Variants in DACH2 observed in about 807,000 individuals in gnomAD.
DACH2 encodes the protein dachshund family transcription factor 2, also known as dachshund homolog 2.
A neutral mutation model predicts 35.8 loss-of-function variants in DACH2; 17 were observed. The ratio of observed to expected loss-of-function variants is 0.48; its 90% CI spans 0.33 to 0.71. DACH2 has a LOEUF of 0.71. DACH2 is among the 30% of genes least tolerant of loss of function. The pLI, the probability that DACH2 is intolerant of heterozygous loss-of-function variation, is 0.02. For missense variants in DACH2, 469 were observed against 472.7 expected, an observed-to-expected ratio of 0.99 and a Z score of 0.07; for synonymous variants, 195 against 177.3, an observed-to-expected ratio of 1.10 and a Z score of -0.79.
At chrX:86,572,722 C>T (rs2039387144) in intron 3 of DACH2, among the ~76,000 whole-genome samples, 1 of 111,582 alleles carries the variant, frequency 9.0e-6, no homozygotes, top group Non-Finnish European at 1.9e-5. Context: ...CCTAAACCTG[C>T]CATACTGCTT....
At chrX:86,746,457 G>A (rs1602889245) in intron 7 of DACH2, among the ~76,000 whole-genome samples, 1 of 111,609 alleles carries the variant, frequency 9.0e-6, no homozygotes, top group South Asian at 3.7e-4. Flanking sequence ...TAATGTTTGC[G>A]ATGTATTATC....
intron 1 of DACH2, among the ~76,000 whole-genome samples, chrX:86,356,471 C>T (rs2035644758): frequency 9.0e-6 from 1 of 111,093 alleles, no homozygotes; most frequent in Non-Finnish European, 1.9e-5. Flanking sequence ...TAATGTGATG[C>T]CTCCAGCTTT....
At chrX:86,698,527 T>TTTTTTTTTTTTG (rs2041098450) in intron 5 of DACH2, among the ~76,000 whole-genome samples, 3 of 56,007 alleles carry the variant, frequency 5.4e-5, no homozygotes, top group Non-Finnish European at 1.0e-4. Flanking sequence ...TTGTGTTTTT[T>TTTTTTTTTTTTG]TTTTTTTTTT....
chrX:86,587,942 C>T (rs1300982183), intron 3 of DACH2, among the ~76,000 whole-genome samples: 1 of 111,415 alleles, frequency 9.0e-6, no homozygotes, highest in African/African-American at 3.3e-5. Context: ...AATTCTTTGC[C>T]AATGGTGATA....
intron 1 of DACH2, among the ~76,000 whole-genome samples, chrX:86,207,493 G>T (rs930830659): frequency 3.6e-5 from 4 of 110,564 alleles, no homozygotes; most frequent in African/African-American, 1.3e-4. Context: ...ATTACACATT[G>T]TGTGCCTGTA....
chrX:86,296,338 G>T (rs1185180141), intron 1 of DACH2, among the ~76,000 whole-genome samples: 1 of 93,568 alleles, frequency 1.1e-5, no homozygotes, highest in Non-Finnish European at 2.1e-5. Flanking sequence ...CCGAGATTGC[G>T]CCACTGCACT....
At chrX:86,179,660 G>A (rs1312453272) in intron 1 of DACH2, among the ~76,000 whole-genome samples, 2 of 111,514 alleles carry the variant, frequency 1.8e-5, no homozygotes, top group African/African-American at 6.5e-5. Context: ...TAAGGCAAAT[G>A]TTATATTTCC....
chrX:86,630,245 C>G (rs1347945210), intron 3 of DACH2, among the ~76,000 whole-genome samples: 1 of 109,605 alleles, frequency 9.1e-6, no homozygotes, highest in African/African-American at 3.3e-5. Context: ...GGTTTAAACC[C>G]CAATTTCAAG....
chrX:86,656,203 A>G (rs1003893946), intron 4 of DACH2, among the ~76,000 whole-genome samples: 3 of 111,412 alleles, frequency 2.7e-5, no homozygotes, highest in African/African-American at 9.8e-5. Flanking sequence ...AGAATTGAGG[A>G]CATGGCTTGA....
At chrX:86,533,294 A>G (rs888216969) in intron 3 of DACH2, among the ~76,000 whole-genome samples, 1 of 111,806 alleles carries the variant, frequency 8.9e-6, no homozygotes, top group Admixed American at 9.5e-5. Flanking sequence ...ATTATTTTAC[A>G]TTTATTTTTA....
intron 1 of DACH2, among the ~76,000 whole-genome samples, chrX:86,170,063 T>C (rs2031072241): frequency 8.9e-6 from 1 of 112,031 alleles, no homozygotes; most frequent in Admixed American, 9.5e-5. Flanking sequence ...CCAAGTCTAG[T>C]ACTGCTGTGG....
intron 1 of DACH2, among the ~76,000 whole-genome samples, chrX:86,206,165 G>T (rs1226445745): frequency 1.8e-5 from 2 of 110,722 alleles, no homozygotes; most frequent in Non-Finnish European, 3.8e-5. Flanking sequence ...TGTCCCTGAT[G>T]AACTACACTC....
rs143888614 is a variant in DACH2 at position 86,479,165 on chromosome X, G to T, written c.528-35114G>T. Among the ~76,000 whole-genome samples the T allele has an allele frequency of 5.0e-3, 553 of 111,470 alleles. 4 individuals carry two copies. Among genetic ancestry groups the T allele is most frequent in the African/African-American group, 0.017 (524 of 30,643 alleles). On this transcript the variant is annotated intron_variant, in intron 2 of 11. Coordinates refer to ENST00000373125, the MANE Select transcript of DACH2 (RefSeq NM_053281.3). Reference sequence around the variant, plus strand: ...CGCTGTCGATGGCCTGTCGGCATCTGCCTGTGTGTTCTTCTGCCGGTGTGT... The same window carrying T: ...CGCTGTCGATGGCCTGTCGGCATCTTCCTGTGTGTTCTTCTGCCGGTGTGT...
At chrX:86,685,468 A>AT (rs2040931837) in intron 4 of DACH2, among the ~76,000 whole-genome samples, 1 of 111,603 alleles carries the variant, frequency 9.0e-6, no homozygotes, top group Non-Finnish European at 1.9e-5. Flanking sequence ...CAGCTTTTAC[A>AT]TTTTCTAGGG....
intron 7 of DACH2, among the ~76,000 whole-genome samples, chrX:86,798,213 C>T (rs189196566): frequency 8.9e-6 from 1 of 112,063 alleles, no homozygotes; most frequent in African/African-American, 3.2e-5. Flanking sequence ...TGAATCATTA[C>T]CACTATCCAG....
In DACH2 at chrX:86,205,069, A is replaced by G. The variant is rs190778554; in HGVS notation, c.488+55961A>G. On this transcript the variant is annotated intron_variant, in intron 1 of 11. Transcript: ENST00000373125. ...TAATTTGCTGCTTAGCACAAGTCCA[A>G]CAATATAATAAAAGATAATAATTAA... Among the ~76,000 whole-genome samples the G allele has an allele frequency of 2.5e-3, 279 of 111,847 alleles. 1 individual carries two copies. Among genetic ancestry groups the G allele is most frequent in the African/African-American group, 8.8e-3 (268 of 30,546 alleles).
In DACH2 at chrX:86,224,210, C is replaced by G. The variant is rs549702623; in HGVS notation, c.488+75102C>G. Among the ~76,000 whole-genome samples, 22 of 110,723 alleles carry G rather than the reference C, an allele frequency of 2.0e-4. No homozygotes were observed. The Middle Eastern group carries it at 0.014, about 71-fold the overall frequency. ...AATGGGAGGAGATATGCATATTTATCTAGAATTGCGTGCAACTTGAAGATG... is the reference window on the plus strand; with the variant it reads ...AATGGGAGGAGATATGCATATTTATGTAGAATTGCGTGCAACTTGAAGATG... On this transcript the variant is annotated intron_variant, in intron 1 of 11. Transcript: ENST00000373125.
intron 1 of DACH2, among the ~76,000 whole-genome samples, chrX:86,218,293 T>C (rs755308303): frequency 1.2e-3 from 132 of 112,355 alleles, no homozygotes; most frequent in African/African-American, 4.1e-3. Context: ...TTTAAAAGGC[T>C]TATTAATAAA....
At chrX:86,503,734 G>A (rs1166981240) in intron 2 of DACH2, among the ~76,000 whole-genome samples, 2 of 111,858 alleles carry the variant, frequency 1.8e-5, no homozygotes, top group Admixed American at 9.5e-5. Context: ...CAAAAGATAT[G>A]TTATAAGTAT....
Sources: allele counts gnomAD v4.1 joint callset (sites outside exome capture counted in the v4.1 genomes callset), GRCh38; gene constraint gnomAD v4.1.1; transcripts MANE v1.5; gene names NCBI Gene and HGNC (gene_info 2026-07-23, HGNC 2026-07-21).